NTRK3: variants seen among roughly 807,000 people sequenced by gnomAD.
NTRK3 encodes the protein neurotrophic receptor tyrosine kinase 3.
NTRK3 carries 24 observed loss-of-function variants against 91.7 expected under a neutral mutation model. The ratio of observed to expected loss-of-function variants is 0.26; its 90% CI spans 0.19 to 0.37. NTRK3 has a LOEUF of 0.37. Ranked by LOEUF, NTRK3 falls within the 10% of genes least tolerant of loss-of-function variation. The pLI, the probability that NTRK3 is intolerant of heterozygous loss-of-function variation, is 1.00. For missense variants in NTRK3, 880 were observed against 1,068.9 expected (o/e 0.82, Z 2.46); for synonymous variants, 483 against 404.0 (o/e 1.20, Z -2.34).
chr15:87,875,686 A>G (rs548987940), exon 19 of NTRK3: 3 of 233,024 alleles, frequency 1.3e-5, no homozygotes, highest in South Asian at 3.6e-4. Context: ...ACAGGTGCCA[A>G]GTAGATTCTC....
chr15:88,046,215 C>T (rs921568916), intron 13 of NTRK3, among the ~76,000 whole-genome samples: 1 of 152,190 alleles, frequency 6.6e-6, no homozygotes, highest in Non-Finnish European at 1.5e-5. Flanking sequence ...TCCCCAGGAA[C>T]TGTAGCAATA....
At chr15:88,210,624 C>G (rs889508758) in intron 3 of NTRK3, among the ~76,000 whole-genome samples, 1 of 152,180 alleles carries the variant, frequency 6.6e-6, no homozygotes, top group Admixed American at 6.5e-5. Flanking sequence ...CAGGAGAGAG[C>G]GAACACCTGG....
chr15:87,914,101 C>G (rs544326622), intron 17 of NTRK3, among the ~76,000 whole-genome samples: 1 of 152,350 alleles, frequency 6.6e-6, no homozygotes, highest in South Asian at 2.1e-4. Flanking sequence ...GATTATTTGA[C>G]TCTTCTAACA....
intron 14 of NTRK3, among the ~76,000 whole-genome samples, chr15:88,028,466 G>A (rs905299527): frequency 4.6e-5 from 7 of 152,122 alleles, no homozygotes; most frequent in Admixed American, 2.0e-4. Context: ...GAGAGTGGAG[G>A]GGCTCCTGGG....
At chr15:88,085,774 G>A (rs945277659) in intron 13 of NTRK3, among the ~76,000 whole-genome samples, 1 of 152,140 alleles carries the variant, frequency 6.6e-6, no homozygotes, top group Non-Finnish European at 1.5e-5. Context: ...CTATAAAACT[G>A]GGCTTGATGA....
chr15:88,226,301 C>T (rs2050669286), intron 3 of NTRK3, among the ~76,000 whole-genome samples: 1 of 152,196 alleles, frequency 6.6e-6, no homozygotes, highest in African/African-American at 2.4e-5. Flanking sequence ...CATGCTCTCT[C>T]CTCCACCCCA....
chr15:87,987,986 C>G (rs1052959168), intron 14 of NTRK3, among the ~76,000 whole-genome samples: 2 of 152,134 alleles, frequency 1.3e-5, no homozygotes, highest in Non-Finnish European at 2.9e-5. Flanking sequence ...CACTCAAGGA[C>G]GTAGAGTTTC....
intron 14 of NTRK3, among the ~76,000 whole-genome samples, chr15:87,986,806 A>T (rs2141435559): frequency 6.6e-6 from 1 of 152,380 alleles, no homozygotes; most frequent in South Asian, 2.1e-4. Context: ...CTTATCCTAT[A>T]AAGGACCAGA....
At chr15:87,901,989 T>C (rs897497496) in intron 17 of NTRK3, among the ~76,000 whole-genome samples, 2 of 152,136 alleles carry the variant, frequency 1.3e-5, no homozygotes, top group Admixed American at 1.3e-4. Context: ...AATTGATAGG[T>C]TAGGGTGGCA....
Position 87,899,387 on chromosome 15 carries a change from C to T in NTRK3, c.2134-18959G>A, listed in dbSNP as rs114123139. Among the ~76,000 whole-genome samples the T allele has an allele frequency of 2.7e-3, 416 of 152,086 alleles. 1 individual carries two copies. The highest frequency in any genetic ancestry group is 8.8e-3 in the African/African-American group (365 of 41,482). ...GACCCACCCCTCCTTTCTCCTTCCC[C>T]CACCCCCTCAATTTCTGTGCCCTTA... On this transcript the variant is annotated intron_variant, in intron 17 of 18. Coordinates refer to ENST00000394480, the Ensembl canonical transcript of NTRK3.
intron 17 of NTRK3, among the ~76,000 whole-genome samples, chr15:87,898,840 A>AC (rs1248475942): frequency 2.0e-5 from 3 of 151,238 alleles, no homozygotes; most frequent in Non-Finnish European, 4.4e-5. Context: ...AAAAAAAAAA[A>AC]AAAAATACAA....
At chr15:87,908,540 C>T (rs538238761) in intron 17 of NTRK3, 24 of 399,370 alleles carry the variant, frequency 6.0e-5, no homozygotes, top group South Asian at 1.3e-4. Context: ...CCACACTGAA[C>T]GGGCCCTTCT....
chr15:87,870,641 A>C, exon 19 of NTRK3: 2 of 215,418 alleles, frequency 9.3e-6, no homozygotes, highest in East Asian at 6.9e-5. Flanking sequence ...GTCAGAGTAC[A>C]CCGTAAGTAT....
chr15:88,063,826 C>A (rs2046420119), intron 13 of NTRK3, among the ~76,000 whole-genome samples: 1 of 152,198 alleles, frequency 6.6e-6, no homozygotes, highest in Admixed American at 6.5e-5. Context: ...GGCCAAATAA[C>A]CTGGAGCTCA....
At position 88,241,754 on chromosome 15, in the gene NTRK3, C is replaced by CTA. The variant is rs2052375328; in HGVS notation, c.248+14150_248+14151dup. Among the ~76,000 whole-genome samples the CTA allele has an allele frequency of 6.6e-6, 1 of 152,184 alleles. No homozygotes were observed. On this transcript the variant is annotated intron_variant, in intron 3 of 18. Transcript: ENST00000394480. The surrounding 1 kb of genome is among the most constrained non-coding windows in gnomAD (Gnocchi z 4.3). ...CAGCGCACTGGGGAGAAGGGCTGCCCTATATCCACAGCCCTCTGACTTTTC... is the reference window on the plus strand; with the variant it reads ...CAGCGCACTGGGGAGAAGGGCTGCCCTATATATCCACAGCCCTCTGACTTTTC...
chr15:88,226,002 C>A (rs963871599), intron 3 of NTRK3, among the ~76,000 whole-genome samples: 3 of 152,182 alleles, frequency 2.0e-5, no homozygotes, highest in Non-Finnish European at 4.4e-5. Context: ...AAGACAAGGG[C>A]GATCCCAGGA....
intron 17 of NTRK3, among the ~76,000 whole-genome samples, chr15:87,924,860 G>A (rs1338654038): frequency 1.3e-5 from 2 of 152,166 alleles, no homozygotes; most frequent in Non-Finnish European, 2.9e-5. Flanking sequence ...TGAACAGAAA[G>A]GAACACTCCT....
chr15:88,112,928 C>G (rs1351126251), intron 13 of NTRK3, among the ~76,000 whole-genome samples: 1 of 152,206 alleles, frequency 6.6e-6, no homozygotes, highest in Non-Finnish European at 1.5e-5. Flanking sequence ...GCACCACCAC[C>G]AAGTGCGTGG....
At chr15:87,860,838 A>T (rs2141368561) in exon 19 of NTRK3, 1 of 216,866 alleles carries the variant, frequency 4.6e-6, no homozygotes, top group East Asian at 6.8e-5. Flanking sequence ...TCTAAGTCAT[A>T]AAATACAAAT....
Sources: gnomAD v4.1 joint callset for allele counts (sites outside exome capture counted in the v4.1 genomes callset) on GRCh38, gnomAD v4.1.1 for gene constraint, Gnocchi (gnomAD v3.1) non-coding constraint, MANE v1.5 for transcripts, NCBI Gene and HGNC (gene_info 2026-07-23, HGNC 2026-07-21) for gene names.